QTGAL: variants seen among roughly 807,000 people sequenced by gnomAD.
QTGAL encodes the protein queuosine-tRNA galactosyltransferase.
At chr17:82,959,234 ATG>A in the QTGAL span, among the ~76,000 whole-genome samples, 413 of 151,696 alleles carry the variant, frequency 2.7e-3, 3 homozygotes, top group African/African-American at 9.4e-3. Flanking sequence ...TACTGTGTGG[ATG>A]TGTGTACACG....
At chr17:82,970,161 A>G in the QTGAL span, among the ~76,000 whole-genome samples, 2 of 152,248 alleles carry the variant, frequency 1.3e-5, no homozygotes, top group African/African-American at 4.8e-5. Context: ...CTGGGACATC[A>G]GGAAGAGCCC....
At chr17:82,969,759 A>G in the QTGAL span, among the ~76,000 whole-genome samples, 27 of 152,138 alleles carry the variant, frequency 1.8e-4, no homozygotes, top group Non-Finnish European at 4.0e-4. Flanking sequence ...AGCTCACTGC[A>G]GCCTCAACCT....
the QTGAL span, chr17:82,960,947 A>C: frequency 1.4e-6 from 2 of 1,431,386 alleles, no homozygotes; most frequent in Non-Finnish European, 1.9e-6. Context: ...CTCAAGGCAG[A>C]GCCTGACCAC....
chr17:83,010,736 G>C, the QTGAL span, among the ~76,000 whole-genome samples: 2 of 152,254 alleles, frequency 1.3e-5, no homozygotes, highest in Non-Finnish European at 2.9e-5. Flanking sequence ...GGGAGAGTCG[G>C]CTGCCGTGCC....
At chr17:82,964,810 C>T in the QTGAL span, among the ~76,000 whole-genome samples, 2 of 88,920 alleles carry the variant, frequency 2.2e-5, no homozygotes, top group Admixed American at 1.3e-4. Flanking sequence ...GATGGGGACA[C>T]GGACGCCTGC....
chr17:83,004,753 C>G, the QTGAL span, among the ~76,000 whole-genome samples: 54 of 127,472 alleles, frequency 4.2e-4, no homozygotes, highest in African/African-American at 1.6e-3. Context: ...AGCCCGCCCT[C>G]CCACCCTCCG....
the QTGAL span, among the ~76,000 whole-genome samples, chr17:82,980,660 G>A: frequency 1.3e-5 from 2 of 152,224 alleles, no homozygotes; most frequent in Non-Finnish European, 2.9e-5. Flanking sequence ...AAGAGATGAC[G>A]GGGAAAGGTA....
At chr17:83,041,973 G>A in the QTGAL span, among the ~76,000 whole-genome samples, 2 of 152,192 alleles carry the variant, frequency 1.3e-5, no homozygotes, top group Non-Finnish European at 2.9e-5. Flanking sequence ...AACTCATAGA[G>A]AAAGAACAAA....
At chr17:83,020,171 A>G in the QTGAL span, among the ~76,000 whole-genome samples, 1 of 152,250 alleles carries the variant, frequency 6.6e-6, no homozygotes, top group African/African-American at 2.4e-5. Flanking sequence ...TCAGCATGAA[A>G]AGACCAGAAG....
At chr17:82,971,637 C>CCGG in the QTGAL span, among the ~76,000 whole-genome samples, 1 of 137,974 alleles carries the variant, frequency 7.2e-6, no homozygotes, top group African/African-American at 2.7e-5. Context: ...CCAGAAGGAC[C>CCGG]TGGTGCCGAC....
the QTGAL span, among the ~76,000 whole-genome samples, chr17:82,989,071 A>C: frequency 6.6e-6 from 1 of 152,220 alleles, no homozygotes; most frequent in Non-Finnish European, 1.5e-5. Flanking sequence ...CTGCAGCACC[A>C]TTCACAATAG....
chr17:83,007,726 G>A, the QTGAL span, among the ~76,000 whole-genome samples: 1 of 152,190 alleles, frequency 6.6e-6, no homozygotes, highest in Non-Finnish European at 1.5e-5. Flanking sequence ...ATGCTTCCCT[G>A]GAAAGGTAAA....
chr17:83,012,802 C>T, the QTGAL span, among the ~76,000 whole-genome samples: 1 of 152,144 alleles, frequency 6.6e-6, no homozygotes, highest in Non-Finnish European at 1.5e-5. Flanking sequence ...CCCTATTCCC[C>T]ACAAAGGAAC....
the QTGAL span, among the ~76,000 whole-genome samples, chr17:82,999,278 GCACACACAAAGGC>G: frequency 6.7e-6 from 1 of 148,330 alleles, no homozygotes; most frequent in African/African-American, 2.6e-5. Flanking sequence ...TCACTGTCAT[GCACACACAAAGGC>G]TTGTACATAT....
the QTGAL span, chr17:82,948,419 C>G: frequency 6.6e-6 from 1 of 152,306 alleles, no homozygotes; most frequent in Admixed American, 6.5e-5. Flanking sequence ...CAGGAGGACA[C>G]AGCGTCCTTG....
chr17:82,964,060 G>A, the QTGAL span, among the ~76,000 whole-genome samples: 1 of 150,576 alleles, frequency 6.6e-6, no homozygotes, highest in Non-Finnish European at 1.5e-5. Context: ...CCAGGAGTTC[G>A]AGACCAGCCT....
the QTGAL span, chr17:82,947,271 A>G: frequency 2.3e-6 from 1 of 443,230 alleles, no homozygotes; most frequent in Non-Finnish European, 4.0e-6. Context: ...CTCGGAATGG[A>G]ATGAGACTAA....
At chr17:82,946,245 A>G in the QTGAL span, among the ~76,000 whole-genome samples, 1 of 152,264 alleles carries the variant, frequency 6.6e-6, no homozygotes, top group African/African-American at 2.4e-5. Flanking sequence ...ACACACAATT[A>G]GAAATAAATA....
the QTGAL span, among the ~76,000 whole-genome samples, chr17:82,982,125 CATCCTTCTCACCTCT>C: frequency 7.3e-6 from 1 of 137,462 alleles, no homozygotes. Flanking sequence ...GAGGAGCCTC[CATCCTTCTCACCTCT>C]GTGGTGATGG....
Sources: gnomAD v4.1 joint callset for allele counts (sites outside exome capture counted in the v4.1 genomes callset) on GRCh38, gnomAD v4.1.1 for gene constraint, MANE v1.5 for transcripts, NCBI Gene and HGNC (gene_info 2026-07-23, HGNC 2026-07-21) for gene names.